Variants in VAC14 observed in about 807,000 individuals in gnomAD.
The protein encoded by VAC14 is protein VAC14 homolog.
In VAC14, 47 loss-of-function variants were observed where a neutral mutation model predicts 85.3. The ratio of observed to expected loss-of-function variants is 0.55; its 90% confidence interval spans 0.44 to 0.70. The LOEUF is 0.70. Ranked by LOEUF, VAC14 falls within the 30% of genes least tolerant of loss-of-function variation. The pLI, the probability that VAC14 is intolerant of heterozygous loss-of-function variation, is 0.00. For synonymous variants in VAC14, 447 were observed against 430.5 expected, an observed-to-expected ratio of 1.04 and a Z score of -0.47; for missense variants, 861 against 1,004.3, an observed-to-expected ratio of 0.86 and a Z score of 1.93.
intron 18 of VAC14, chr16:70,688,308 C>A: frequency 8.3e-7 from 1 of 1,206,304 alleles, no homozygotes; most frequent in Non-Finnish European, 1.0e-6. Flanking sequence ...GCTAACACTG[C>A]TGCTTGGCTA....
chr16:70,729,826 T>TTGAATGAA (rs35118641), intron 14 of VAC14, among the ~76,000 whole-genome samples: 3 of 151,808 alleles, frequency 2.0e-5, no homozygotes, highest in Non-Finnish European at 2.9e-5. Flanking sequence ...TAAACATCTG[T>TTGAATGAA]TGAATGAATG....
chr16:70,743,625 A>G (rs1374749979), intron 13 of VAC14, among the ~76,000 whole-genome samples: 1 of 152,212 alleles, frequency 6.6e-6, no homozygotes, highest in Non-Finnish European at 1.5e-5. Flanking sequence ...GAGCTGTAAC[A>G]ATCACTGTGA....
At chr16:70,689,628 A>C (rs890182528) in intron 18 of VAC14, 16 of 985,534 alleles carry the variant, frequency 1.6e-5, no homozygotes, top group Middle Eastern at 5.2e-4. Context: ...ATGCACCACC[A>C]GAAAACATCT....
At chr16:70,703,835 A>T (rs2053874281) in intron 14 of VAC14, among the ~76,000 whole-genome samples, 2 of 151,910 alleles carry the variant, frequency 1.3e-5, no homozygotes, top group South Asian at 4.2e-4. Context: ...AAGAACTGAG[A>T]CTACACAGCC....
rs2053914976 is a variant in VAC14 at position 70,706,068 on chromosome 16, C to T, written c.1662-7257G>A. Among the ~76,000 whole-genome samples, 3 of 152,218 alleles carry T rather than the reference C, an allele frequency of 2.0e-5. No homozygotes were observed. In the South Asian group the frequency reaches 6.2e-4, roughly 32 times the overall value. On this transcript the variant is annotated intron_variant, in intron 14 of 18. Transcript: ENST00000261776. ...GGCACCAGGACCCTCTGGTGGTGCTCATTTCCCACCCCAGCAGGTCCAATT... is the reference window on the plus strand; with the variant it reads ...GGCACCAGGACCCTCTGGTGGTGCTTATTTCCCACCCCAGCAGGTCCAATT...
intron 17 of VAC14, among the ~76,000 whole-genome samples, chr16:70,694,695 A>G (rs145964405): frequency 6.6e-6 from 1 of 152,344 alleles, no homozygotes; most frequent in East Asian, 1.9e-4. Flanking sequence ...TTATAAGCAC[A>G]TAAGCGTCAT....
intron 9 of VAC14, among the ~76,000 whole-genome samples, chr16:70,775,375 A>C (rs1597991500): frequency 6.6e-6 from 1 of 151,878 alleles, no homozygotes; most frequent in South Asian, 2.1e-4. Flanking sequence ...GTGCTGTCCT[A>C]CTTCTTATTT....
chr16:70,701,025 C>G (rs1443001047), intron 14 of VAC14, among the ~76,000 whole-genome samples: 1 of 152,172 alleles, frequency 6.6e-6, no homozygotes, highest in East Asian at 1.9e-4. Flanking sequence ...ACCCAGACCT[C>G]CTGGTGTCCC....
chr16:70,741,604 C>T (rs539298613), intron 13 of VAC14, among the ~76,000 whole-genome samples: 15 of 152,354 alleles, frequency 9.8e-5, no homozygotes, highest in East Asian at 7.7e-4. Context: ...ATTCTCCTTC[C>T]GCAGCCCCCA....
intron 10 of VAC14, among the ~76,000 whole-genome samples, chr16:70,767,820 G>A (rs2032930630): frequency 6.6e-6 from 1 of 152,170 alleles, no homozygotes; most frequent in African/African-American, 2.4e-5. Context: ...GCTAAAGTGT[G>A]TAAAGTGCTT....
chr16:70,713,298 G>A lies in VAC14; in HGVS notation c.1662-14487C>T, dbSNP rs1036920803. Among the ~76,000 whole-genome samples, 7 of 152,342 alleles carry A rather than the reference G, an allele frequency of 4.6e-5. No individual in the cohort carries two copies. The East Asian group carries it at 5.8e-4, about 13-fold the overall frequency. ...ACTTAGAGCAAAAAAGCTACCGTGC[G>A]CGAACAGCCTGGCTATGACGGGCGC... On this transcript the variant is annotated intron_variant, in intron 14 of 18. Coordinates refer to ENST00000261776, the MANE Select transcript of VAC14 (RefSeq NM_018052.5).
At chr16:70,690,511 C>G in intron 18 of VAC14, 5 of 985,640 alleles carry the variant, frequency 5.1e-6, no homozygotes, top group Non-Finnish European at 6.0e-6. Flanking sequence ...TCCCTCCTGC[C>G]TTACTGAGGA....
At chr16:70,696,428 A>G (rs751582216) in intron 16 of VAC14, among the ~76,000 whole-genome samples, 68 of 152,276 alleles carry the variant, frequency 4.5e-4, no homozygotes, top group Admixed American at 2.1e-3. Context: ...CAGGAGAATC[A>G]CTTAAACCCA....
intron 9 of VAC14, among the ~76,000 whole-genome samples, chr16:70,776,823 T>A (rs986140617): frequency 1.3e-5 from 2 of 151,904 alleles, no homozygotes; most frequent in Non-Finnish European, 2.9e-5. Flanking sequence ...CCAGGTTTTT[T>A]TTTTTTTGAG....
intron 1 of VAC14, 122 bp downstream of exon 1, chr16:70,800,675 G>A (rs974204271): frequency 1.3e-6 from 1 of 759,116 alleles, no homozygotes; most frequent in African/African-American, 1.8e-5. Context: ...CTTAAACACT[G>A]CGCTAAGGTA....
At chr16:70,777,169 T>C (rs1338422288) in intron 9 of VAC14, among the ~76,000 whole-genome samples, 5 of 152,084 alleles carry the variant, frequency 3.3e-5, no homozygotes, top group Non-Finnish European at 2.9e-5. Flanking sequence ...GGTCTCGAAC[T>C]CTTGACCTCA....
chr16:70,712,931 C>G (rs1161914365), intron 14 of VAC14, among the ~76,000 whole-genome samples: 2 of 152,140 alleles, frequency 1.3e-5, no homozygotes, highest in Admixed American at 6.5e-5. Flanking sequence ...CATGGGTGCT[C>G]CAGCCTGGCC....
At chr16:70,742,063 T>C (rs2030374197) in intron 13 of VAC14, among the ~76,000 whole-genome samples, 1 of 152,194 alleles carries the variant, frequency 6.6e-6, no homozygotes, top group South Asian at 2.1e-4. Flanking sequence ...AGCTTCTCTG[T>C]GCCCGGGAGG....
chr16:70,714,796 AGCTTCCTGAGCCG>A (rs1257497068), intron 14 of VAC14: 1 of 152,272 alleles, frequency 6.6e-6, no homozygotes, highest in East Asian at 1.9e-4. Context: ...TGGTCAAGCC[AGCTTCCTGAGCCG>A]GCTTCCTAAC....
Sources: allele counts gnomAD v4.1 joint callset (sites outside exome capture counted in the v4.1 genomes callset), GRCh38; gene constraint gnomAD v4.1.1; transcripts MANE v1.5; gene names NCBI Gene and HGNC (gene_info 2026-07-23, HGNC 2026-07-21).